The following FABP7 variants were observed in gnomAD, a reference collection of about 807,000 sequenced individuals.
The protein encoded by FABP7 is fatty acid-binding protein, brain.
In FABP7, 13 loss-of-function variants were observed where a neutral mutation model predicts 14.2. The ratio of observed to expected loss-of-function variants is 0.91; its 90% CI spans 0.59 to 1.45. The LOEUF is 1.45. Ranked by LOEUF, FABP7 falls within the 40% of genes most tolerant of loss-of-function variation. The pLI is 0.00. For missense variants in FABP7, 149 were observed against 157.6 expected (o/e 0.95, Z 0.29); for synonymous variants, 49 against 51.4 (o/e 0.95, Z 0.20).
intron 3 of FABP7, chr6:122,782,080 C>T: frequency 1.0e-6 from 1 of 985,396 alleles, no homozygotes; most frequent in Non-Finnish European, 1.2e-6. Context: ...GATGTTACTT[C>T]TTTCCAGTTT....
the FABP7 span, among the ~76,000 whole-genome samples, chr6:122,765,780 A>T: frequency 9.9e-5 from 15 of 151,880 alleles, no homozygotes; most frequent in Non-Finnish European, 2.1e-4. Flanking sequence ...CTTCTTAGGA[A>T]TCCTTGCTCC....
At chr6:122,751,496 T>C in the FABP7 span, among the ~76,000 whole-genome samples, 1 of 152,232 alleles carries the variant, frequency 6.6e-6, no homozygotes, top group Non-Finnish European at 1.5e-5. Context: ...AGCTTCCACA[T>C]AGTTACTACC....
At chr6:122,767,741 TTC>T in the FABP7 span, among the ~76,000 whole-genome samples, 1 of 129,926 alleles carries the variant, frequency 7.7e-6, no homozygotes, top group African/African-American at 2.7e-5. Context: ...CAAGACCCTG[TTC>T]TCCACTAAAA....
At chr6:122,781,284 A>G (rs535812699) in intron 3 of FABP7, 90 bp downstream of exon 3, 1 of 1,560,360 alleles carries the variant, frequency 6.4e-7, no homozygotes, top group South Asian at 1.2e-5. Context: ...TCCTCCTTCC[A>G]TTCTTCCTCC....
At chr6:122,753,935 G>A in the FABP7 span, among the ~76,000 whole-genome samples, 1 of 152,050 alleles carries the variant, frequency 6.6e-6, no homozygotes, top group Non-Finnish European at 1.5e-5. Flanking sequence ...AAGACCAGAC[G>A]GGCACTCAGG....
chr6:122,783,257 T>C (rs1780839971), intron 3 of FABP7: 1 of 985,362 alleles, frequency 1.0e-6, no homozygotes, highest in Admixed American at 6.1e-5. Context: ...CTTTACATGT[T>C]CCTCTTGATT....
Position 122,783,719 on chromosome 6 carries a change from C to G in FABP7, c.351C>G (p.Thr117=), listed in dbSNP as rs1317257411. 6.9e-6 allele frequency: 11 copies of G among 1,602,880 alleles called. No individual in the cohort carries two copies. Among genetic ancestry groups the G allele is most frequent in the Non-Finnish European group, 9.3e-6 (11 of 1,176,638 alleles). ...REIKDGKMVM[T]LTFGDVVAVR... is the part of the protein sequence containing the mutation. ...TGATTATCTTTTGAACCTTGCAGAC[C>G]CTTACTTTTGGTGATGTGGTTGCTG... is the stretch of plus-strand genomic sequence containing the variant. Residue 117 remains threonine, a splice_region_variant and synonymous_variant, in exon 4 of 4, where the codon ACC becomes ACG. Transcript: ENST00000368444.
upstream of FABP7, among the ~76,000 whole-genome samples, chr6:122,775,500 T>A (rs769993403): frequency 6.6e-6 from 1 of 152,050 alleles, no homozygotes; most frequent in Non-Finnish European, 1.5e-5. Context: ...TCACTGTGTG[T>A]GAAAATCCAA....
At chr6:122,777,581 A>G (rs1241371032), upstream of FABP7, among the ~76,000 whole-genome samples, 1 of 152,186 alleles carries the variant, frequency 6.6e-6, no homozygotes. Flanking sequence ...ATCTAAGGTA[A>G]TGCAAGGCAA....
At chr6:122,779,895 C>A in intron 1 of FABP7, 28 bp downstream of exon 1, 3 of 1,600,104 alleles carry the variant, frequency 1.9e-6, no homozygotes, top group South Asian at 1.1e-5. Context: ...CGGCTGTTCT[C>A]TTCTCAACGT....
upstream of FABP7, chr6:122,779,593 TCTC>T (rs774089599): frequency 3.3e-6 from 2 of 597,020 alleles, no homozygotes; most frequent in Admixed American, 2.9e-5. Flanking sequence ...CTCCTTCCCT[TCTC>T]CTCTCTCTGT....
upstream of FABP7, among the ~76,000 whole-genome samples, chr6:122,776,076 G>A (rs542863350): frequency 2.6e-5 from 4 of 152,190 alleles, no homozygotes; most frequent in East Asian, 7.7e-4. Flanking sequence ...ATACACTGTT[G>A]TTGGGAATGT....
At chr6:122,750,411 A>G in the FABP7 span, among the ~76,000 whole-genome samples, 1 of 152,194 alleles carries the variant, frequency 6.6e-6, no homozygotes, top group Non-Finnish European at 1.5e-5. Flanking sequence ...AACACATTTT[A>G]TGTAATAAAT....
the FABP7 span, among the ~76,000 whole-genome samples, chr6:122,763,592 G>C: frequency 6.6e-6 from 1 of 152,178 alleles, no homozygotes; most frequent in Non-Finnish European, 1.5e-5. Flanking sequence ...TACCATCAGA[G>C]TGAACAGCCA....
the FABP7 span, among the ~76,000 whole-genome samples, chr6:122,760,829 A>T: frequency 6.6e-6 from 1 of 152,164 alleles, no homozygotes; most frequent in African/African-American, 2.4e-5. Flanking sequence ...TAAAAACTGC[A>T]AAATGCTAGA....
the FABP7 span, among the ~76,000 whole-genome samples, chr6:122,753,790 C>CG: frequency 2.1e-5 from 2 of 94,644 alleles, no homozygotes; most frequent in African/African-American, 4.2e-5. Flanking sequence ...TCCCGCCCCC[C>CG]CCCCGCCCAC....
chr6:122,760,431 T>G, the FABP7 span, among the ~76,000 whole-genome samples: 1 of 152,172 alleles, frequency 6.6e-6, no homozygotes, highest in Non-Finnish European at 1.5e-5. Context: ...GACTTTATAT[T>G]TATAGTAAAT....
At chr6:122,749,890 T>G in the FABP7 span, among the ~76,000 whole-genome samples, 185 of 152,300 alleles carry the variant, frequency 1.2e-3, 6 homozygotes, top group South Asian at 0.021. Context: ...AGTTTATGGT[T>G]CCAGTATTAA....
chr6:122,752,801 C>T, the FABP7 span, among the ~76,000 whole-genome samples: 2 of 152,102 alleles, frequency 1.3e-5, no homozygotes, highest in African/African-American at 2.4e-5. Flanking sequence ...AAATTTTAGC[C>T]ATCTCTACCC....
Sources: allele counts gnomAD v4.1 joint callset (sites outside exome capture counted in the v4.1 genomes callset), GRCh38; gene constraint gnomAD v4.1.1; transcripts MANE v1.5; gene names NCBI Gene and HGNC (gene_info 2026-07-23, HGNC 2026-07-21).